Variants in TUBA1C observed in about 807,000 individuals in gnomAD.
TUBA1C encodes tubulin alpha 1c, also known as tubulin alpha-1C chain.
In TUBA1C, 16 loss-of-function variants were observed where a neutral mutation model predicts 34.9. The observed-to-expected ratio is 0.46, with a 90% CI of 0.31 to 0.70. The LOEUF is 0.70. Ranked by LOEUF, TUBA1C falls within the 30% of genes least tolerant of loss-of-function variation. TUBA1C has a pLI of 0.05. For synonymous variants in TUBA1C, 177 were observed against 215.9 expected (o/e 0.82, Z 1.58); for missense variants, 329 against 587.3 (o/e 0.56, Z 4.55).
chr12:49,261,246 T>G (rs2137011402), upstream of TUBA1C, among the ~76,000 whole-genome samples: 1 of 152,138 alleles, frequency 6.6e-6, no homozygotes, highest in South Asian at 2.1e-4. Context: ...AAAAAAATGC[T>G]TATTGTAAAG....
chr12:49,262,432 C>CAAA (rs781394639), upstream of TUBA1C, among the ~76,000 whole-genome samples: 9 of 100,276 alleles, frequency 9.0e-5, no homozygotes, highest in East Asian at 5.7e-4. Flanking sequence ...AGTTTTATAG[C>CAAA]AAAAAAAAAA....
chr12:49,257,877 T>A (rs1383329918), intron 1 of TUBA1C: 1 of 188,014 alleles, frequency 5.3e-6, no homozygotes, highest in Non-Finnish European at 1.1e-5. Flanking sequence ...TTTTTTTTTT[T>A]GAGCAGAGTC....
chr12:49,247,739 AG>A (rs1942686453), intron 1 of TUBA1C, among the ~76,000 whole-genome samples: 1 of 151,924 alleles, frequency 6.6e-6, no homozygotes, highest in Non-Finnish European at 1.5e-5. Context: ...CGAGGTTAGG[AG>A]TTCAAGACCA....
At chr12:49,258,658 C>A (rs922957847) in intron 1 of TUBA1C, among the ~76,000 whole-genome samples, 4 of 151,812 alleles carry the variant, frequency 2.6e-5, no homozygotes, top group South Asian at 2.1e-4. Context: ...GAACCCCTGA[C>A]CTCAGGTGAT....
chr12:49,266,519 T>C (rs149442438), intron 1 of TUBA1C, among the ~76,000 whole-genome samples: 4 of 152,104 alleles, frequency 2.6e-5, no homozygotes, highest in African/African-American at 9.7e-5. Context: ...ATACGTAACT[T>C]GAGTGTTTTC....
chr12:49,254,484 C>CAAAAAAA (rs764051406), intron 1 of TUBA1C, among the ~76,000 whole-genome samples: 12 of 29,692 alleles, frequency 4.0e-4, no homozygotes, highest in African/African-American at 9.4e-4. Context: ...TCCATCTAAA[C>CAAAAAAA]AAAAAAAAAA....
At chr12:49,265,287 G>A in intron 1 of TUBA1C, 103 bp downstream of exon 1, 1 of 929,392 alleles carries the variant, frequency 1.1e-6, no homozygotes, top group African/African-American at 1.7e-5. Flanking sequence ...GACAGCTCCA[G>A]ACTACCCCGG....
intron 1 of TUBA1C, among the ~76,000 whole-genome samples, chr12:49,265,540 G>T (rs1450957144): frequency 6.6e-6 from 1 of 152,178 alleles, no homozygotes; most frequent in Non-Finnish European, 1.5e-5. Flanking sequence ...TTTCTCAAGC[G>T]ACCTCTCCTT....
At chr12:49,254,172 G>A (rs1026026236) in intron 1 of TUBA1C, among the ~76,000 whole-genome samples, 25 of 152,104 alleles carry the variant, frequency 1.6e-4, no homozygotes, top group African/African-American at 5.6e-4. Flanking sequence ...TTAGCCGGGC[G>A]TGGTGGCGCA....
At chr12:49,256,717 GC>G (rs1420901649) in intron 1 of TUBA1C, among the ~76,000 whole-genome samples, 1 of 152,166 alleles carries the variant, frequency 6.6e-6, no homozygotes, top group Non-Finnish European at 1.5e-5. Flanking sequence ...AAAAACAGAG[GC>G]CTGCAAGTGC....
intron 1 of TUBA1C, among the ~76,000 whole-genome samples, chr12:49,231,697 TAGACAGAC>T (rs541221185): frequency 6.0e-5 from 9 of 150,408 alleles, no homozygotes; most frequent in South Asian, 2.1e-4. Flanking sequence ...GATAGATAGA[TAGACAGAC>T]AGACAGACAG....
intron 1 of TUBA1C, among the ~76,000 whole-genome samples, chr12:49,253,331 T>G (rs570703480): frequency 4.0e-4 from 61 of 152,008 alleles, no homozygotes; most frequent in Non-Finnish European, 7.8e-4. Flanking sequence ...TTGGTAGGTG[T>G]AAGCTACGGT....
chr12:49,265,120 G>A lies in TUBA1C; in HGVS notation c.-62G>A. The A allele has an allele frequency of 1.3e-6, 2 of 1,582,990 alleles. No homozygotes were observed. Among genetic ancestry groups the A allele is most frequent in the South Asian group, 1.1e-5 (1 of 87,040 alleles). ...CGGACTCCTTGGTAGTCTGTTAGTGGGAGATCCTTGTTGCCGTCCCTTCGC... is the reference window on the plus strand; with the variant it reads ...CGGACTCCTTGGTAGTCTGTTAGTGAGAGATCCTTGTTGCCGTCCCTTCGC... On this transcript the variant is annotated 5_prime_UTR_variant, in exon 1 of 4. Transcript: ENST00000301072.
At chr12:49,231,764 G>C (rs1942500615) in intron 1 of TUBA1C, among the ~76,000 whole-genome samples, 1 of 151,974 alleles carries the variant, frequency 6.6e-6, no homozygotes, top group Admixed American at 6.6e-5. Context: ...GACTAGGCTG[G>C]TCTCGAACTC....
At chr12:49,238,789 A>G (rs77507592) in intron 1 of TUBA1C, among the ~76,000 whole-genome samples, 2,568 of 152,038 alleles carry the variant, frequency 0.017, 36 homozygotes, top group Non-Finnish European at 0.025. Context: ...ATTTTCAAGG[A>G]TGCAAATAAA....
intron 1 of TUBA1C, among the ~76,000 whole-genome samples, chr12:49,253,630 C>A (rs928943123): frequency 6.6e-6 from 1 of 152,064 alleles, no homozygotes; most frequent in Non-Finnish European, 1.5e-5. Flanking sequence ...TGGGCTCAAG[C>A]GATCCTCCCA....
intron 1 of TUBA1C, among the ~76,000 whole-genome samples, chr12:49,239,472 C>T (rs566469074): frequency 5.3e-5 from 8 of 152,108 alleles, no homozygotes; most frequent in African/African-American, 1.4e-4. Flanking sequence ...GAAACCCCAT[C>T]TCTACTAAAA....
At chr12:49,265,351 T>A (rs1197903303) in intron 1 of TUBA1C, among the ~76,000 whole-genome samples, 167 bp downstream of exon 1, 7 of 152,090 alleles carry the variant, frequency 4.6e-5, no homozygotes. Context: ...CGAGTTCACT[T>A]GGCAGACACC....
intron 1 of TUBA1C, among the ~76,000 whole-genome samples, chr12:49,238,860 C>G (rs993285269): frequency 6.6e-6 from 1 of 152,120 alleles, no homozygotes; most frequent in Non-Finnish European, 1.5e-5. Flanking sequence ...GCGTCCACGC[C>G]GTCCCTGGGC....
Sources: gnomAD v4.1 joint callset for allele counts (sites outside exome capture counted in the v4.1 genomes callset) on GRCh38, gnomAD v4.1.1 for gene constraint, MANE v1.5 for transcripts, NCBI Gene and HGNC (gene_info 2026-07-23, HGNC 2026-07-21) for gene names.